Variants in MCTP1 observed in about 807,000 individuals in gnomAD.
MCTP1 encodes the protein multiple C2 and transmembrane domain containing 1.
In MCTP1, 69 loss-of-function variants were observed where a neutral mutation model predicts 120.6. That is an observed-to-expected ratio of 0.57 (90% confidence interval 0.47 to 0.70). MCTP1 has a LOEUF of 0.70. MCTP1 is among the 30% of genes least tolerant of loss of function. The pLI, the probability that MCTP1 is intolerant of heterozygous loss-of-function variation, is 0.00. For missense variants in MCTP1, 1,203 were observed against 1,248.8 expected, an observed-to-expected ratio of 0.96 and a Z score of 0.55; for synonymous variants, 529 against 493.1, an observed-to-expected ratio of 1.07 and a Z score of -0.96.
chr5:95,180,017 A>C (rs1291003927), intron 1 of MCTP1, among the ~76,000 whole-genome samples: 1 of 152,176 alleles, frequency 6.6e-6, no homozygotes, highest in Non-Finnish European at 1.5e-5. Context: ...AATAAAACAA[A>C]CTTTAAAGCA....
intron 1 of MCTP1, among the ~76,000 whole-genome samples, chr5:95,224,082 A>C (rs1294633080): frequency 6.6e-6 from 1 of 152,224 alleles, no homozygotes; most frequent in Non-Finnish European, 1.5e-5. Context: ...AATCCCTAGC[A>C]ACAATGGAAA....
intron 1 of MCTP1, among the ~76,000 whole-genome samples, chr5:95,079,891 T>C (rs979967547): frequency 7.2e-5 from 11 of 152,100 alleles, no homozygotes; most frequent in African/African-American, 2.7e-4. Context: ...ATCTATCATG[T>C]TCACTGGTAT....
rs1747498809 is a variant in MCTP1 at position 95,172,854 on chromosome 5, A to G, written c.720+111002T>C. On this transcript the variant is annotated intron_variant, in intron 1 of 22. Coordinates refer to ENST00000515393, the MANE Select transcript of MCTP1 (RefSeq NM_024717.7). ...TAGGTCAAATCTCCAAGAGCTTAGG[A>G]ATGCAAAGGGCTCTGAGAGAACACA... 2.0e-5 allele frequency among the ~76,000 whole-genome samples: 3 copies of G among 152,198 alleles called. No homozygotes were observed. The South Asian group carries it at 6.2e-4, about 31-fold the overall frequency.
chr5:94,911,035 C>T (rs1298148281), intron 9 of MCTP1, among the ~76,000 whole-genome samples: 1 of 152,186 alleles, frequency 6.6e-6, no homozygotes, highest in African/African-American at 2.4e-5. Context: ...CCTTCCCTTT[C>T]TATGTGGACA....
At chr5:95,094,168 C>T (rs927963076) in intron 1 of MCTP1, among the ~76,000 whole-genome samples, 1 of 152,160 alleles carries the variant, frequency 6.6e-6, no homozygotes, top group Non-Finnish European at 1.5e-5. Context: ...TTGGATAATA[C>T]GTTATGCAGC....
intron 1 of MCTP1, among the ~76,000 whole-genome samples, chr5:95,043,384 A>C (rs2151920789): frequency 6.6e-6 from 1 of 152,244 alleles, no homozygotes; most frequent in African/African-American, 2.4e-5. Flanking sequence ...CACTAAGACC[A>C]GGGCTGTCCT....
chr5:94,739,493 G>T (rs1765016414), intron 19 of MCTP1: 1 of 152,120 alleles, frequency 6.6e-6, no homozygotes, highest in Admixed American at 6.5e-5. Context: ...GGCTTCAATG[G>T]CATGGCATTC....
In MCTP1 at chr5:94,704,198, A is replaced by ACACT. The variant is rs1198189988; in HGVS notation, c.*3294_*3297dup. ...AAACCAACGAATAGACATCATCTGT[A>ACACT]CACTCACTCACACTAGAGTGTGAAA... is the stretch of plus-strand genomic sequence containing the variant. On this transcript the variant is annotated 3_prime_UTR_variant, in exon 23 of 23. Coordinates refer to ENST00000515393, the MANE Select transcript of MCTP1 (RefSeq NM_024717.7). 2.6e-5 allele frequency: 4 copies of ACACT among 151,322 alleles called. No individual in the cohort carries two copies. The highest frequency in any genetic ancestry group is 5.9e-5 in the Non-Finnish European group (4 of 67,646). The allele number at this position is 151,322 out of a possible 1,614,324, so 9.4% of individuals were successfully genotyped here.
chr5:95,256,452 G>A (rs1757899136), intron 1 of MCTP1, among the ~76,000 whole-genome samples: 1 of 152,146 alleles, frequency 6.6e-6, no homozygotes, highest in Non-Finnish European at 1.5e-5. Flanking sequence ...AGAGCTGGAA[G>A]GGAAAAGTCA....
intron 1 of MCTP1, among the ~76,000 whole-genome samples, chr5:95,064,408 A>G (rs187712290): frequency 2.0e-5 from 3 of 152,326 alleles, no homozygotes; most frequent in Admixed American, 2.0e-4. Flanking sequence ...GGAGTCTACT[A>G]ATTTTGCATA....
chr5:94,743,353 T>G (rs967402710), intron 19 of MCTP1, among the ~76,000 whole-genome samples: 1 of 148,402 alleles, frequency 6.7e-6, no homozygotes, highest in Non-Finnish European at 1.5e-5. Flanking sequence ...TGCCAAGCAC[T>G]GACTCCATGC....
At chr5:94,931,315 T>C (rs1410734049) in intron 6 of MCTP1, 1 of 152,170 alleles carries the variant, frequency 6.6e-6, no homozygotes, top group Non-Finnish European at 1.5e-5. Context: ...TTTCAAGGTA[T>C]ATTCATATAA....
intron 19 of MCTP1, among the ~76,000 whole-genome samples, chr5:94,778,813 A>G (rs531463445): frequency 5.3e-5 from 8 of 152,306 alleles, no homozygotes; most frequent in African/African-American, 1.7e-4. Flanking sequence ...TTGCCCTTCA[A>G]CAACAGTCAT....
chr5:95,245,767 T>C (rs556203675), intron 1 of MCTP1, among the ~76,000 whole-genome samples: 105 of 152,286 alleles, frequency 6.9e-4, no homozygotes, highest in African/African-American at 2.2e-3. Context: ...CAGGATACTA[T>C]CCAGGAGAAC....
intron 1 of MCTP1, among the ~76,000 whole-genome samples, chr5:95,054,010 A>T (rs1028048615): frequency 3.9e-5 from 6 of 152,230 alleles, no homozygotes; most frequent in African/African-American, 1.4e-4. Flanking sequence ...CAGGTTCCAC[A>T]CTGAGCTGCT....
At position 95,285,009 on chromosome 5, in the gene MCTP1, G is replaced by T. The variant is rs1020424747; in HGVS notation, c.-434C>A. Among the ~76,000 whole-genome samples the T allele has an allele frequency of 3.3e-5, 5 of 152,136 alleles. No individual in the cohort carries two copies. The highest frequency in any genetic ancestry group is 3.3e-4 in the Admixed American group (5 of 15,286). On this transcript the variant is annotated 5_prime_UTR_variant, in exon 1 of 23. Coordinates refer to ENST00000515393, the MANE Select transcript of MCTP1 (RefSeq NM_024717.7). ...TCCAGCTGCGCCAGGGACCGCACCC[G>T]GCGCCCTCTGGGCAGCACCTGTCAG...
At chr5:94,980,786 G>A (rs1442664406) in intron 2 of MCTP1, 1 of 152,020 alleles carries the variant, frequency 6.6e-6, no homozygotes, top group African/African-American at 2.4e-5. Context: ...TGCTTCCACA[G>A]ATGAGCAACT....
intron 17 of MCTP1, among the ~76,000 whole-genome samples, chr5:94,852,931 G>T (rs1794031834): frequency 6.6e-6 from 1 of 151,808 alleles, no homozygotes; most frequent in Non-Finnish European, 1.5e-5. Context: ...GTGATCTTTG[G>T]CATTGTTCAC....
chr5:94,811,934 A>G (rs1314439875), intron 17 of MCTP1, among the ~76,000 whole-genome samples: 3 of 152,118 alleles, frequency 2.0e-5, no homozygotes, highest in Non-Finnish European at 4.4e-5. Flanking sequence ...TCTTTCAGGC[A>G]TTTTTCTCAT....
Sources: allele counts gnomAD v4.1 joint callset (sites outside exome capture counted in the v4.1 genomes callset), GRCh38; gene constraint gnomAD v4.1.1; transcripts MANE v1.5; gene names NCBI Gene and HGNC (gene_info 2026-07-23, HGNC 2026-07-21).